Variants in GART observed in about 807,000 individuals in gnomAD.
GART encodes trifunctional purine biosynthetic protein adenosine-3.
In GART, 43 loss-of-function variants were observed where a neutral mutation model predicts 107.2. That is an observed-to-expected ratio of 0.40 (90% CI 0.31 to 0.52). The LOEUF (loss-of-function observed/expected upper bound fraction) is 0.52. Ranked by LOEUF, GART falls within the 20% of genes least tolerant of loss-of-function variation. The probability of loss-of-function intolerance (pLI) is 0.52; values close to 1 mark genes in which losing one functional copy is unlikely to be tolerated. For missense variants in GART, 1,107 were observed against 1,206.5 expected, an observed-to-expected ratio of 0.92 and a Z score of 1.22; for synonymous variants, 434 against 427.0, an observed-to-expected ratio of 1.02 and a Z score of -0.20.
intron 16 of GART, among the ~76,000 whole-genome samples, chr21:33,516,162 C>T (rs140797923): frequency 0.025 from 3,653 of 148,614 alleles, 166 homozygotes; most frequent in African/African-American, 0.084. Flanking sequence ...GCAGGATAAT[C>T]GCTTGAACCC....
rs1278275165 is a variant in GART, at chr21:33,511,424, T to A, written c.2142A>T (p.Ser714=). Residue 714 remains serine, a synonymous_variant, in exon 17 of 22, where the codon TCA becomes TCT. Transcript: ENST00000381815. ...AGAGGTGTCCTTCCTGCTGCAACCA[T>A]GAGAAGACCCTGGGGATCCTCCAGG... ...AQTWRIPRVF[S]WLQQEGHLSE... is the part of the protein sequence containing the mutation. 6.2e-7 allele frequency: 1 copy of A among 1,614,104 alleles called. No individual in the cohort carries two copies. Among genetic ancestry groups the A allele is most frequent in the African/African-American group, 1.3e-5 (1 of 75,028 alleles).
At position 33,520,482 on chromosome 21, in the gene GART, T is replaced by C. The variant is rs1172162214; in HGVS notation, c.1584A>G (p.Gly528=). ...AMCVNDILAQ[G]AEPLFFLDYF... is the part of the protein sequence containing the mutation. ...AATCAAGGAAGAAGAGGGGCTCTGC[T>C]CCTTGTGCCAGAATATCATTAACAC... Residue 528 remains glycine (G), a synonymous_variant, in exon 14 of 22, where the codon GGA becomes GGG. Coordinates refer to ENST00000381815, the MANE Select transcript of GART (RefSeq NM_000819.5). 6.2e-7 allele frequency: 1 copy of C among 1,614,122 alleles called. No homozygotes were observed. The highest frequency in any genetic ancestry group is 1.7e-5 in the Admixed American group (1 of 60,022).
Position 33,517,529 on chromosome 21 carries a change from C to T in GART, c.1782G>A (p.Glu594=), listed in dbSNP as rs1406908337. The T allele has an allele frequency of 1.2e-6, 2 of 1,614,094 alleles. No homozygotes were observed. Among genetic ancestry groups the T allele is most frequent in the Middle Eastern group, 1.6e-4 (1 of 6,084 alleles). Residue 594 remains glutamate (E), a synonymous_variant, in exon 15 of 22, where the codon GAG becomes GAA. Coordinates refer to ENST00000381815, the MANE Select transcript of GART (RefSeq NM_000819.5). ...CCAGGTGAGGGAGTTTCTGATCTCGCTCCATGGCACCAACGGCAAACCCAG... is the reference window on the plus strand; with the variant it reads ...CCAGGTGAGGGAGTTTCTGATCTCGTTCCATGGCACCAACGGCAAACCCAG... ...DLAGFAVGAM[E]RDQKLPHLER...
intron 2 of GART, among the ~76,000 whole-genome samples, chr21:33,537,491 G>A (rs532618329): frequency 6.6e-6 from 1 of 152,148 alleles, no homozygotes; most frequent in Admixed American, 6.5e-5. Context: ...TTATATTCTA[G>A]TGGAGGAAAA....
intron 3 of GART, 100 bp from the exon 4 acceptor site, chr21:33,534,853 G>A: frequency 2.0e-6 from 2 of 1,017,878 alleles, no homozygotes; most frequent in South Asian, 1.9e-5. Context: ...ATCTAGACAA[G>A]GCAGATGACT....
intron 1 of GART, among the ~76,000 whole-genome samples, chr21:33,540,176 C>G (rs554965881): frequency 7.6e-4 from 115 of 152,084 alleles, no homozygotes; most frequent in Non-Finnish European, 1.4e-3. Flanking sequence ...AAAGATAATA[C>G]GAAGATGAAT....
rs760051358 is a variant in GART, at chr21:33,528,273, C to G, written c.960G>C (p.Leu320=). 6.2e-7 allele frequency: 1 copy of G among 1,614,104 alleles called. No homozygotes were observed. Among genetic ancestry groups the G allele is most frequent in the South Asian group, 1.1e-5 (1 of 91,084 alleles). Residue 320 remains leucine (L), a synonymous_variant, in exon 10 of 22, where the codon CTG becomes CTC. Transcript: ENST00000381815. ...GCCAAACAGGCAGAGATGTGCAGAGCAGTCCATCTAAGGTGGACTGAATCA... is the reference window on the plus strand; with the variant it reads ...GCCAAACAGGCAGAGATGTGCAGAGGAGTCCATCTAAGGTGGACTGAATCA... ...YEVIQSTLDG[L]LCTSLPVWLE...
chr21:33,522,196 G>C lies in GART; in HGVS notation c.1385C>G (p.Ser462Cys), dbSNP rs751380630. 31 of 1,611,694 alleles carry C rather than the reference G, an allele frequency of 1.9e-5. No homozygotes were observed. The highest frequency in any genetic ancestry group is 2.5e-5 in the Non-Finnish European group (30 of 1,178,058). Residue 462 changes from serine (S) to cysteine (C), a missense_variant, in exon 12 of 22, where the codon TCC (serine) becomes TGC (cysteine). By Grantham distance (112) the Ser-to-Cys change is moderately radical. Transcript: ENST00000381815. ...AGTATAGGATCACTGACCTGATCTG[G>C]AAGTGGCTTTTGCTAAAGGCTGAAT... ...KKIQPLAKAT[S>C]RSGCKVDLGG...
chr21:33,539,229 T>C lies in GART; in HGVS notation c.87A>G (p.Gln29=), dbSNP rs776641815. ...CTGCGTTTCCTGGGGCAACCAACAC[T>C]TGTTTGACATGATGAGACTGTGCAA... is the stretch of plus-strand genomic sequence containing the variant. ...WKLAQSHHVK[Q]VLVAPGNAGT... Residue 29 remains glutamine (Q), a synonymous_variant, in exon 2 of 22, where the codon CAA becomes CAG. Coordinates refer to ENST00000381815, the MANE Select transcript of GART (RefSeq NM_000819.5). The C allele has an allele frequency of 6.2e-7, 1 of 1,614,216 alleles. No individual in the cohort carries two copies. Among genetic ancestry groups the C allele is most frequent in the South Asian group, 1.1e-5 (1 of 91,084 alleles).
Position 33,517,488 on chromosome 21 carries a change from C to A in GART, c.1823G>T (p.Gly608Val), listed in dbSNP as rs2084899538. The stretch of plus-strand genomic sequence containing the variant: ...TGAAGCTATTCCAACAACAACATCA[C>A]CCTCAGTGATTCTTTCCAGGTGAGG... ...KLPHLERITE[G>V]DVVVGIASSG... The change falls in exon 15 of 22, where the codon GGT (glycine) becomes GTT (valine). Residue 608 changes from glycine to valine, a missense_variant. By Grantham distance (109) the Gly-to-Val change is moderately radical (BLOSUM62 -3). Transcript: ENST00000381815. 1.2e-6 allele frequency: 2 copies of A among 1,614,096 alleles called. No individual in the cohort carries two copies. Among genetic ancestry groups the A allele is most frequent in the Middle Eastern group, 1.6e-4 (1 of 6,084 alleles).
At chr21:33,512,375 G>A (rs1474843040) in intron 16 of GART, among the ~76,000 whole-genome samples, 1 of 148,510 alleles carries the variant, frequency 6.7e-6, no homozygotes, top group African/African-American at 2.5e-5. Context: ...TTTAGGTAAA[G>A]GTCTATATAC....
At chr21:33,531,458 C>T in intron 6 of GART, 31 bp downstream of exon 6, 8 of 1,601,234 alleles carry the variant, frequency 5.0e-6, no homozygotes, top group Non-Finnish European at 6.8e-6. Context: ...TTCTTATACA[C>T]TACAAAAGCC....
intron 16 of GART, among the ~76,000 whole-genome samples, chr21:33,512,763 ATT>A (rs11356836): frequency 6.9e-6 from 1 of 144,586 alleles, no homozygotes; most frequent in Non-Finnish European, 1.6e-5. Flanking sequence ...TATTTAAAAA[ATT>A]TTTTTTTTGG....
At position 33,528,884 on chromosome 21, in the gene GART, C is replaced by T. The variant is rs1569028530; in HGVS notation, c.777G>A (p.Val259=). 6.2e-7 allele frequency: 1 copy of T among 1,613,594 alleles called. No individual in the cohort carries two copies. The highest frequency in any genetic ancestry group is 8.5e-7 in the Non-Finnish European group (1 of 1,179,626). ...GAGTACCCTCTTGCTGCATGCCATC[C>T]ACTGTCCTCTGAAGAACAGTATCTT... The part of the protein sequence containing the change: ...KIKDTVLQRT[V]DGMQQEGTPY... The change falls in exon 8 of 22, where the codon GTG becomes GTA. Residue 259 remains valine, a synonymous_variant. Coordinates refer to ENST00000381815, the MANE Select transcript of GART (RefSeq NM_000819.5).
intron 10 of GART, among the ~76,000 whole-genome samples, chr21:33,526,560 G>A (rs572672115): frequency 6.6e-6 from 1 of 151,296 alleles, no homozygotes; most frequent in South Asian, 2.1e-4. Flanking sequence ...ACCAGATCAT[G>A]AGACTTAAGT....
intron 4 of GART, among the ~76,000 whole-genome samples, chr21:33,533,115 A>G (rs1214866985): frequency 6.6e-6 from 1 of 152,184 alleles, no homozygotes; most frequent in African/African-American, 2.4e-5. Flanking sequence ...CACATAATAG[A>G]GAACAAAGGA....
intron 6 of GART, 82 bp from the exon 7 acceptor site, chr21:33,530,966 C>T: frequency 7.9e-7 from 1 of 1,273,642 alleles, no homozygotes. Context: ...CTATATGTCC[C>T]TTAATTCTTC....
At chr21:33,509,705 C>G in intron 18 of GART, 78 bp downstream of exon 18, 1 of 1,473,786 alleles carries the variant, frequency 6.8e-7, no homozygotes, top group South Asian at 1.3e-5. Flanking sequence ...CGAGAGTAAC[C>G]TTACAATCTC....
intron 10 of GART, among the ~76,000 whole-genome samples, chr21:33,525,221 C>CATAA (rs572808243): frequency 0.016 from 2,446 of 151,222 alleles, 46 homozygotes; most frequent in African/African-American, 0.045. Context: ...CTCGCCTCTA[C>CATAA]ATAAATAAAT....
Sources: allele counts gnomAD v4.1 joint callset (sites outside exome capture counted in the v4.1 genomes callset), GRCh38; gene constraint gnomAD v4.1.1; transcripts MANE v1.5; gene names NCBI Gene and HGNC (gene_info 2026-07-23, HGNC 2026-07-21).